The following SYN3 variants were observed in gnomAD, a reference collection of about 807,000 sequenced individuals.
SYN3 encodes synapsin-3.
In SYN3, 35 loss-of-function variants were observed where a neutral mutation model predicts 65.8. That is an observed-to-expected ratio of 0.53 (90% CI 0.41 to 0.70). The LOEUF is 0.70. Ranked by LOEUF, SYN3 falls within the 30% of genes least tolerant of loss-of-function variation. The probability of loss-of-function intolerance (pLI) is 0.00; values close to 1 mark genes in which losing one functional copy is unlikely to be tolerated. For missense variants in SYN3, 680 were observed against 749.0 expected, an observed-to-expected ratio of 0.91 and a Z score of 1.08; for synonymous variants, 270 against 292.9, an observed-to-expected ratio of 0.92 and a Z score of 0.80.
At position 32,652,787 on chromosome 22, in the gene SYN3, G is replaced by T. The variant is rs534397120; in HGVS notation, c.712-56051C>A. Among the ~76,000 whole-genome samples, 6 of 152,252 alleles carry T rather than the reference G, an allele frequency of 3.9e-5. No homozygotes were observed. The South Asian group carries it at 1.2e-3, about 32-fold the overall frequency. ...TCCTCAGGGTCACTCCCTAGTTAGC[G>T]GCAGAGAGGAGATCAGAACCGAGAG... is the stretch of plus-strand genomic sequence containing the variant. On this transcript the variant is annotated intron_variant, in intron 6 of 13. Transcript: ENST00000358763.
At chr22:32,627,819 T>G (rs2059690237) in intron 6 of SYN3, among the ~76,000 whole-genome samples, 1 of 149,194 alleles carries the variant, frequency 6.7e-6, no homozygotes, top group Admixed American at 6.6e-5. Flanking sequence ...GCATTTTTTT[T>G]GTTTGTTTTT....
chr22:32,762,027 G>T (rs1056551858), intron 6 of SYN3, among the ~76,000 whole-genome samples: 1 of 152,226 alleles, frequency 6.6e-6, no homozygotes, highest in Non-Finnish European at 1.5e-5. Flanking sequence ...GCTTGGGTGG[G>T]TGATGGCATC....
intron 6 of SYN3, among the ~76,000 whole-genome samples, chr22:32,774,534 C>T (rs1193534436): frequency 6.6e-6 from 1 of 152,144 alleles, no homozygotes; most frequent in Non-Finnish European, 1.5e-5. Context: ...TGGAACACCA[C>T]AGGCAAGAGT....
chr22:32,766,889 TTAAA>T (rs1251224493), intron 6 of SYN3, among the ~76,000 whole-genome samples: 1 of 152,322 alleles, frequency 6.6e-6, no homozygotes, highest in East Asian at 1.9e-4. Context: ...GATTATAGAA[TTAAA>T]TACGCTGATA....
At chr22:32,575,914 C>T (rs1962222) in intron 7 of SYN3, among the ~76,000 whole-genome samples, 67,470 of 151,958 alleles carry the variant, frequency 0.44, 15,518 homozygotes, top group African/African-American at 0.57. Flanking sequence ...AAACCTATTC[C>T]GGCTGCGTGG....
intron 12 of SYN3, among the ~76,000 whole-genome samples, chr22:32,520,830 C>T (rs1317705245): frequency 1.3e-5 from 2 of 152,152 alleles, no homozygotes; most frequent in Admixed American, 6.5e-5. Flanking sequence ...GGTCCTGACT[C>T]AAGCCTTGCC....
At chr22:32,856,643 T>C (rs888187566) in intron 6 of SYN3, among the ~76,000 whole-genome samples, 1 of 152,214 alleles carries the variant, frequency 6.6e-6, no homozygotes, top group South Asian at 2.1e-4. Context: ...ACCTTAAACA[T>C]TTATCGTTTC....
intron 3 of SYN3, among the ~76,000 whole-genome samples, chr22:32,938,577 A>C (rs2050843861): frequency 6.6e-6 from 1 of 151,928 alleles, no homozygotes; most frequent in Admixed American, 6.6e-5. Flanking sequence ...AAAGAAAACC[A>C]ACCAAAAAAC....
intron 4 of SYN3, among the ~76,000 whole-genome samples, chr22:32,918,882 T>C (rs904246300): frequency 1.3e-5 from 2 of 152,164 alleles, no homozygotes; most frequent in African/African-American, 2.4e-5. Context: ...TCGAAGGCCT[T>C]GCAGCTTGGA....
At chr22:32,688,959 C>A (rs2147145787) in intron 6 of SYN3, among the ~76,000 whole-genome samples, 1 of 152,276 alleles carries the variant, frequency 6.6e-6, no homozygotes, top group South Asian at 2.1e-4. Flanking sequence ...CCTTGGGCAA[C>A]CGACCTAAGA....
intron 6 of SYN3, chr22:32,861,813 A>G (rs749155143): frequency 2.6e-5 from 4 of 152,640 alleles, no homozygotes; most frequent in Non-Finnish European, 4.4e-5. Context: ...ATAATTTAAA[A>G]TCATTTATGT....
chr22:32,940,874 T>C (rs2050915675), intron 3 of SYN3, among the ~76,000 whole-genome samples: 1 of 152,226 alleles, frequency 6.6e-6, no homozygotes, highest in Non-Finnish European at 1.5e-5. Context: ...CTCTGTCTCC[T>C]TAACCTACTG....
intron 2 of SYN3, among the ~76,000 whole-genome samples, chr22:32,986,263 G>T (rs1056415278): frequency 6.6e-6 from 1 of 152,166 alleles, no homozygotes; most frequent in African/African-American, 2.4e-5. Flanking sequence ...ACTGCGATGT[G>T]GGGGTGTGTA....
chr22:32,786,246 A>C (rs2046191682), intron 6 of SYN3, among the ~76,000 whole-genome samples: 1 of 152,202 alleles, frequency 6.6e-6, no homozygotes, highest in South Asian at 2.1e-4. Flanking sequence ...AGTGAGGTAC[A>C]GTTAGGGTTT....
intron 6 of SYN3, among the ~76,000 whole-genome samples, chr22:32,688,074 C>T (rs977358473): frequency 2.0e-5 from 3 of 152,290 alleles, no homozygotes; most frequent in Admixed American, 2.0e-4. Context: ...TGTATATCCC[C>T]AGTGGATGTC....
At position 32,518,131 on chromosome 22, in the gene SYN3, A is replaced by G; in HGVS notation, c.1522T>C (p.Ser508Pro). 6.2e-7 allele frequency: 1 copy of G among 1,605,398 alleles called. No individual in the cohort carries two copies. The highest frequency in any genetic ancestry group is 8.5e-7 in the Non-Finnish European group (1 of 1,175,754). The change falls in exon 13 of 14, where the codon TCA becomes CCA. Residue 508 changes from serine (S) to proline (P), a missense_variant. Physicochemically the swap from Ser to Pro is moderately conservative, Grantham distance 74. Transcript: ENST00000358763. The part of the protein sequence containing the change: ...QASKPGATLA[S>P]QPRPPVQGRS... ...CCCTGCACAGGGGGCCGGGGCTGTG[A>G]GGCGAGGGTGGCACCTGGCTTGGAG...
At chr22:32,681,111 G>T (rs967202189) in intron 6 of SYN3, among the ~76,000 whole-genome samples, 1 of 151,982 alleles carries the variant, frequency 6.6e-6, no homozygotes, top group Admixed American at 6.6e-5. Context: ...GTAGCTTGGT[G>T]AAGTGAGGGA....
intron 6 of SYN3, among the ~76,000 whole-genome samples, chr22:32,655,104 G>A (rs1452396455): frequency 6.6e-6 from 1 of 152,214 alleles, no homozygotes; most frequent in Non-Finnish European, 1.5e-5. Flanking sequence ...CAAGGTGATG[G>A]TATGAAGAGA....
intron 3 of SYN3, among the ~76,000 whole-genome samples, chr22:32,937,206 T>C (rs987809555): frequency 6.6e-6 from 1 of 152,066 alleles, no homozygotes; most frequent in Non-Finnish European, 1.5e-5. Flanking sequence ...TTAAAACAAC[T>C]GTTATAAAGA....
Sources: gnomAD v4.1 joint callset for allele counts (sites outside exome capture counted in the v4.1 genomes callset) on GRCh38, gnomAD v4.1.1 for gene constraint, MANE v1.5 for transcripts, NCBI Gene and HGNC (gene_info 2026-07-23, HGNC 2026-07-21) for gene names.